Variants in ZFHX3 observed in about 807,000 individuals in gnomAD.
The protein encoded by ZFHX3 is zinc finger homeobox 3, also known as zinc finger homeobox protein 3.
Under a neutral mutation model 279.1 loss-of-function variants are expected in ZFHX3, and 42 were observed. That is an observed-to-expected ratio of 0.15 (90% CI 0.12 to 0.19). The LOEUF (loss-of-function observed/expected upper bound fraction) is 0.19. ZFHX3 is among the 10% of genes least tolerant of loss of function. The pLI, the probability that ZFHX3 is intolerant of heterozygous loss-of-function variation, is 1.00. For synonymous variants in ZFHX3, 2,293 were observed against 1,957.8 expected (o/e 1.17, Z -4.52); for missense variants, 4,981 against 4,754.0 (o/e 1.05, Z -1.40).
chr16:72,990,363 T>A (rs1019601914), intron 1 of ZFHX3, among the ~76,000 whole-genome samples: 4 of 152,220 alleles, frequency 2.6e-5, no homozygotes, highest in Non-Finnish European at 5.9e-5. Context: ...AGCCCATGTC[T>A]CAGGCTGCAA....
At position 72,958,546 on chromosome 16, in the gene ZFHX3, G is replaced by C. The variant is rs2144443786; in HGVS notation, c.1600C>G (p.Pro534Ala). ...ALSNQSISNS[P>A]LMPNVLQTLS... ...GTCTGGAGCACGTTAGGCATTAAGG[G>C]GGAGTTAGAAATGCTTTGGTTTGAG... Residue 534 changes from proline (P) to alanine (A), a missense_variant, in exon 2 of 10, where the codon CCC (proline) becomes GCC (alanine). This residue lies in a region of ZFHX3 where 1,068 missense variants were observed against 935.2 expected (regional missense o/e 1.14). Coordinates refer to ENST00000268489, the MANE Select transcript of ZFHX3 (RefSeq NM_006885.4). The C allele has an allele frequency of 2.5e-6, 4 of 1,614,068 alleles. No individual in the cohort carries two copies. Among genetic ancestry groups the C allele is most frequent in the Non-Finnish European group, 3.4e-6 (4 of 1,180,034 alleles).
intron 2 of ZFHX3, among the ~76,000 whole-genome samples, chr16:73,580,634 A>C (rs1394075869): frequency 6.6e-6 from 1 of 151,716 alleles, no homozygotes; most frequent in African/African-American, 2.4e-5. Flanking sequence ...CCTATCTTTC[A>C]GGGTAAGGAG....
At chr16:73,186,847 TG>T (rs1967922141) in intron 5 of ZFHX3, among the ~76,000 whole-genome samples, 1 of 152,218 alleles carries the variant, frequency 6.6e-6, no homozygotes, top group South Asian at 2.1e-4. Context: ...TGTTTCCATC[TG>T]TAGCACTCCA....
chr16:73,621,127 G>T (rs1407403345), intron 2 of ZFHX3, among the ~76,000 whole-genome samples: 1 of 152,154 alleles, frequency 6.6e-6, no homozygotes, highest in Non-Finnish European at 1.5e-5. Context: ...AGTTAGAAAG[G>T]GAATCCTACT....
intron 1 of ZFHX3, among the ~76,000 whole-genome samples, chr16:73,810,818 T>C (rs546270663): frequency 6.6e-6 from 1 of 152,290 alleles, no homozygotes; most frequent in Admixed American, 6.5e-5. Context: ...AGCTTGTCTA[T>C]CTGTAAAAGG....
At chr16:73,515,592 G>C (rs2019507262) in intron 2 of ZFHX3, among the ~76,000 whole-genome samples, 1 of 151,954 alleles carries the variant, frequency 6.6e-6, no homozygotes, top group Non-Finnish European at 1.5e-5. Flanking sequence ...GAGAGAGAGA[G>C]AGGAAGAGAG....
Position 73,700,992 on chromosome 16 carries a change from C to CT in ZFHX3, c.-1607-20753dup, listed in dbSNP as rs576751841. The stretch of plus-strand genomic sequence containing the variant: ...TTTTTTTTAAGCAAAGGACTCTGTT[C>CT]TTTTAAACTTGCCCTTATTTATTTC... On this transcript the variant is annotated intron_variant, in intron 1 of 17. Transcript: ENST00000641206. Among the ~76,000 whole-genome samples the CT allele has an allele frequency of 1.2e-4, 19 of 152,234 alleles. No individual in the cohort carries two copies. The East Asian group carries it at 3.5e-3, about 28-fold the overall frequency.
At chr16:73,207,119 T>C (rs1801338723) in intron 5 of ZFHX3, among the ~76,000 whole-genome samples, 2 of 151,874 alleles carry the variant, frequency 1.3e-5, no homozygotes, top group African/African-American at 4.8e-5. Context: ...AACAAGGGAA[T>C]TGACTCAGTC....
At chr16:73,641,907 T>C (rs1351002464) in intron 2 of ZFHX3, among the ~76,000 whole-genome samples, 1 of 152,146 alleles carries the variant, frequency 6.6e-6, no homozygotes, top group Non-Finnish European at 1.5e-5. Context: ...CAAATTGGTC[T>C]CTCTGTGAAA....
intron 1 of ZFHX3, among the ~76,000 whole-genome samples, chr16:73,781,034 A>C (rs1210796388): frequency 1.3e-5 from 2 of 152,214 alleles, no homozygotes; most frequent in Non-Finnish European, 2.9e-5. Flanking sequence ...TAAAAGCTTT[A>C]GCAGTGATTA....
chr16:73,151,034 T>C (rs1030354623), intron 5 of ZFHX3, among the ~76,000 whole-genome samples: 5 of 152,138 alleles, frequency 3.3e-5, no homozygotes, highest in African/African-American at 4.8e-5. Context: ...AATGCTACCA[T>C]GTAGAAGAAC....
In ZFHX3 at chr16:73,565,737, T is replaced by A. The variant is rs1399968820; in HGVS notation, c.-1546-109479A>T. ...TTTTTTACTCTCCTACACAGGTTAG[T>A]CCCTTTTTTATGTGAAGTAAGAATT... On this transcript the variant is annotated intron_variant, in intron 2 of 17. Transcript: ENST00000641206. 2.0e-5 allele frequency among the ~76,000 whole-genome samples: 3 copies of A among 152,176 alleles called. No homozygotes were observed. The East Asian group carries it at 5.8e-4, about 29-fold the overall frequency.
intron 3 of ZFHX3, among the ~76,000 whole-genome samples, chr16:73,319,178 G>A (rs1445492741): frequency 6.6e-6 from 1 of 151,996 alleles, no homozygotes; most frequent in Non-Finnish European, 1.5e-5. Flanking sequence ...AGAAAGCAGG[G>A]AATCAAATAG....
intron 2 of ZFHX3, among the ~76,000 whole-genome samples, chr16:73,492,275 A>C (rs2019068019): frequency 6.6e-6 from 1 of 151,842 alleles, no homozygotes; most frequent in Non-Finnish European, 1.5e-5. Flanking sequence ...CTCCCCCTTC[A>C]CAGTTCCACA....
intron 1 of ZFHX3, among the ~76,000 whole-genome samples, chr16:72,972,891 T>A (rs1469903016): frequency 6.6e-6 from 1 of 152,166 alleles, no homozygotes; most frequent in African/African-American, 2.4e-5. Context: ...ACTTATTCGA[T>A]AAAATTCTTT....
rs150096812 is a variant in ZFHX3 at position 72,797,063 on chromosome 16, G to A, written c.5619C>T (p.His1873=). 4,679 of 1,613,894 alleles carry A rather than the reference G, an allele frequency of 2.9e-3. 10 individuals are homozygous for A. Among genetic ancestry groups the A allele is most frequent in the Non-Finnish European group, 3.6e-3 (4,298 of 1,179,982 alleles). The change falls in exon 9 of 10, where the codon CAC becomes CAT. Residue 1873 remains histidine, a synonymous_variant. Coordinates refer to ENST00000268489, the MANE Select transcript of ZFHX3 (RefSeq NM_006885.4). ...SHSALLQPSQ[H]PEKKNKLVIK... ...TGACCAATTTGTTCTTCTTTTCGGG[G>A]TGCTGGCTTGGCTGAAGGAGGGCAG...
chr16:73,634,892 G>A (rs1362110986), intron 2 of ZFHX3, among the ~76,000 whole-genome samples: 3 of 152,090 alleles, frequency 2.0e-5, no homozygotes, highest in Non-Finnish European at 4.4e-5. Flanking sequence ...TTGTGGTTGT[G>A]TGTGTGTGTG....
chr16:73,536,081 T>C (rs996550418), intron 2 of ZFHX3, among the ~76,000 whole-genome samples: 1 of 152,168 alleles, frequency 6.6e-6, no homozygotes, highest in African/African-American at 2.4e-5. Flanking sequence ...TGGTTTTAGA[T>C]ACTTGCAAAC....
chr16:73,416,328 G>A (rs2017580259), intron 3 of ZFHX3, among the ~76,000 whole-genome samples: 1 of 152,048 alleles, frequency 6.6e-6, no homozygotes, highest in Non-Finnish European at 1.5e-5. Context: ...AGGGACCAGG[G>A]TGGGAAATTA....
Sources: gnomAD v4.1 joint callset for allele counts (sites outside exome capture counted in the v4.1 genomes callset) on GRCh38, gnomAD v4.1.1 for gene constraint, gnomAD v4.1.1 regional missense constraint, MANE v1.5 for transcripts, NCBI Gene and HGNC (gene_info 2026-07-23, HGNC 2026-07-21) for gene names.